DNMT1: variants seen among roughly 807,000 people sequenced by gnomAD.
The protein encoded by DNMT1 is DNA (cytosine-5)-methyltransferase 1.
In DNMT1, 24 loss-of-function variants were observed where a neutral mutation model predicts 205.3. The ratio of observed to expected loss-of-function variants is 0.12; its 90% CI spans 0.08 to 0.16. The LOEUF is 0.16. Among genes scored for constraint, DNMT1 ranks in the 10% least tolerant of loss-of-function variants. The probability of loss-of-function intolerance (pLI) is 1.00; values close to 1 mark genes in which losing one functional copy is unlikely to be tolerated. For synonymous variants in DNMT1, 817 were observed against 839.8 expected, an observed-to-expected ratio of 0.97 and a Z score of 0.47; for missense variants, 1,293 against 2,177.7, an observed-to-expected ratio of 0.59 and a Z score of 8.09.
Position 10,159,649 on chromosome 19 carries a change from T to C in DNMT1, c.1280+9A>G, listed in dbSNP as rs769934389. The C allele has an allele frequency of 6.2e-6, 10 of 1,613,844 alleles. No individual in the cohort carries two copies. The highest frequency in any genetic ancestry group is 2.2e-5 in the East Asian group (1 of 44,902). On this transcript the variant is annotated intron_variant, in intron 17 of 40. Transcript: ENST00000359526. This position sits in a 1 kb window ranked among gnomAD's most constrained non-coding sequence, Gnocchi z 5.0. ...CACGAAGCAAACATGCACACGAAAGTGCACTTACCTGAAGCAGGTCAGTTT... is the reference window on the plus strand; with the variant it reads ...CACGAAGCAAACATGCACACGAAAGCGCACTTACCTGAAGCAGGTCAGTTT...
Position 10,155,039 on chromosome 19 carries a change from G to T in DNMT1, c.1510C>A (p.Leu504Met). 6.2e-7 allele frequency: 1 copy of T among 1,614,192 alleles called. No homozygotes were observed. ...GFSTSFAEYI[L>M]MDPSPEYAPI... ...GCATACTCGGGACTGGGATCCATCA[G>T]AATGTATTCGGCAAATGCTGGGGTG... is the stretch of plus-strand genomic sequence containing the variant. Residue 504 changes from leucine (L) to methionine (M), a missense_variant, in exon 20 of 41, where the codon CTG becomes ATG. Transcript: ENST00000359526.
At chr19:10,170,177 G>A (rs971190861) in intron 9 of DNMT1, among the ~76,000 whole-genome samples, 21 of 151,478 alleles carry the variant, frequency 1.4e-4, no homozygotes, top group African/African-American at 2.4e-4. Context: ...CCCAGCTACT[G>A]GAGAGGCTGA....
chr19:10,135,854 TG>T lies in DNMT1; in HGVS notation c.4657-3del. 2 of 1,549,566 alleles carry T rather than the reference TG, an allele frequency of 1.3e-6. No individual in the cohort carries two copies. ...CTGCTCTGGGTGGAGCACGCGGCCC[TG>T]GGGGAAAGAGGCGCGGTGGGCGAGG... On this transcript the variant is annotated splice_polypyrimidine_tract_variant and splice_region_variant and intron_variant, in intron 38 of 40. Coordinates refer to ENST00000359526, the MANE Select transcript of DNMT1 (RefSeq NM_001130823.3).
intron 34 of DNMT1, among the ~76,000 whole-genome samples, chr19:10,139,309 T>C (rs1044609714): frequency 2.6e-5 from 4 of 152,228 alleles, no homozygotes; most frequent in Non-Finnish European, 2.9e-5. Context: ...CACATGGCTC[T>C]GCGCACCTCA....
chr19:10,153,175 C>T, intron 22 of DNMT1, among the ~76,000 whole-genome samples: 1 of 152,110 alleles, frequency 6.6e-6, no homozygotes, highest in East Asian at 1.9e-4. Flanking sequence ...GATACACTCG[C>T]GAGAAGCTTT....
chr19:10,166,493 G>T, intron 11 of DNMT1, 105 bp downstream of exon 11: 1 of 1,381,890 alleles, frequency 7.2e-7, no homozygotes, highest in Non-Finnish European at 1.0e-6. Flanking sequence ...AGCCTGGGTG[G>T]ATGGGGCTGG....
At chr19:10,175,995 C>G (rs1240717994) in intron 6 of DNMT1, among the ~76,000 whole-genome samples, 1 of 152,110 alleles carries the variant, frequency 6.6e-6, no homozygotes, top group East Asian at 1.9e-4. Context: ...TGGTAAAACC[C>G]TGTCTCTACC....
intron 9 of DNMT1, 100 bp downstream of exon 9, chr19:10,172,990 C>T: frequency 7.2e-7 from 1 of 1,384,884 alleles, no homozygotes; most frequent in Non-Finnish European, 1.0e-6. Context: ...CCATCTTGTT[C>T]TTCCACGTTC....
intron 1 of DNMT1, among the ~76,000 whole-genome samples, chr19:10,190,690 G>A (rs371883457): frequency 1.1e-4 from 17 of 151,918 alleles, no homozygotes; most frequent in East Asian, 5.8e-4. Context: ...ACTTGAACCC[G>A]GGAGGGGGAG....
Position 10,141,137 on chromosome 19 carries a change from C to A in DNMT1, c.3362G>T (p.Ser1121Ile), listed in dbSNP as rs1202584286. ...CTTGCCCTTCCCTTTGTTTCCAGGGCTACGGGCATGGTTGGGAGGATCTTC... is the reference window on the plus strand; with the variant it reads ...CTTGCCCTTCCCTTTGTTTCCAGGGATACGGGCATGGTTGGGAGGATCTTC... ...SFEDPPNHAR[S>I]PGNKGKGKGK... is the part of the protein sequence containing the mutation. Residue 1121 changes from serine to isoleucine, a missense_variant, in exon 31 of 41, where the codon AGC becomes ATC. By Grantham distance (142) the Ser-to-Ile change is moderately radical (BLOSUM62 -2). Around this residue, in one of 13 missense-constraint regions of DNMT1, gnomAD observed 167 missense variants for 258.1 expected, o/e 0.65. Coordinates refer to ENST00000359526, the MANE Select transcript of DNMT1 (RefSeq NM_001130823.3). 3 of 1,613,924 alleles carry A rather than the reference C, an allele frequency of 1.9e-6. No homozygotes were observed. Among genetic ancestry groups the A allele is most frequent in the Admixed American group, 3.3e-5 (2 of 59,996 alleles).
rs541392644 is a variant in DNMT1 at position 10,148,851 on chromosome 19, C to G, written c.2720+33G>C. 1.7e-5 allele frequency: 27 copies of G among 1,613,808 alleles called. No individual in the cohort carries two copies. In the Admixed American group the frequency reaches 2.7e-4, roughly 16 times the overall value. ...AAGGGAGTGATGTGGGCTGAAAGTGCCTGCTGACCCCGAGTCCAGCCCCAG... is the reference window on the plus strand; with the variant it reads ...AAGGGAGTGATGTGGGCTGAAAGTGGCTGCTGACCCCGAGTCCAGCCCCAG... On this transcript the variant is annotated intron_variant, in intron 27 of 40. Coordinates refer to ENST00000359526, the MANE Select transcript of DNMT1 (RefSeq NM_001130823.3).
Position 10,159,744 on chromosome 19 carries a change from T to C in DNMT1, c.1194A>G (p.Thr398=). ...CATCAAAGATGGACAGCTTCTCATTTGTCAGCATCTGTGGCTCATCCACCT... is the reference window on the plus strand; with the variant it reads ...CATCAAAGATGGACAGCTTCTCATTCGTCAGCATCTGTGGCTCATCCACCT... ...PDAVDEPQML[T]NEKLSIFDAN... Residue 398 remains threonine (T), a synonymous_variant, in exon 17 of 41, where the codon ACA becomes ACG. Transcript: ENST00000359526. This position sits in a 1 kb window ranked among gnomAD's most constrained non-coding sequence, Gnocchi z 5.0. 6.2e-7 allele frequency: 1 copy of C among 1,614,234 alleles called. No individual in the cohort carries two copies. The highest frequency in any genetic ancestry group is 8.5e-7 in the Non-Finnish European group (1 of 1,180,038).
chr19:10,173,493 CTTT>C (rs747516765), intron 8 of DNMT1, among the ~76,000 whole-genome samples: 3 of 141,526 alleles, frequency 2.1e-5, no homozygotes, highest in African/African-American at 2.6e-5. Context: ...TCTTTTTAAA[CTTT>C]TTTTTTTTTT....
At chr19:10,144,313 CAGG>C (rs1029748827) in intron 28 of DNMT1, 61 of 357,902 alleles carry the variant, frequency 1.7e-4, no homozygotes, top group African/African-American at 1.2e-3. Context: ...GAGGCTGAGG[CAGG>C]AGAATTGCTT....
At chr19:10,160,240 G>A (rs1016430684) in intron 14 of DNMT1, 144 bp downstream of exon 14, 15 of 1,503,308 alleles carry the variant, frequency 1.0e-5, no homozygotes, top group Admixed American at 3.7e-5. Context: ...CCTGCCTGAC[G>A]CACCTTGGTC....
intron 1 of DNMT1, among the ~76,000 whole-genome samples, chr19:10,188,145 A>C (rs1430032716): frequency 6.6e-6 from 1 of 152,064 alleles, no homozygotes; most frequent in Non-Finnish European, 1.5e-5. Context: ...AATATAGTGG[A>C]CCATGCAAGA....
chr19:10,176,167 C>CA (rs34858632), intron 6 of DNMT1, among the ~76,000 whole-genome samples: 50,747 of 134,404 alleles, frequency 0.38, 9,361 homozygotes, highest in Non-Finnish European at 0.45. Flanking sequence ...GACTCCGTAT[C>CA]AAAAAAAAAA....
In DNMT1 at chr19:10,138,080, C is replaced by A; in HGVS notation, c.4116-71G>T. The stretch of plus-strand genomic sequence containing the variant: ...GCTGTCCCCTCATCACAGGTGCCAC[C>A]CCCTGCCTGCTCAGATGGCCTTCTC... On this transcript the variant is annotated intron_variant, in intron 35 of 40. Coordinates refer to ENST00000359526, the MANE Select transcript of DNMT1 (RefSeq NM_001130823.3). The surrounding 1 kb of genome is among the most constrained non-coding windows in gnomAD (Gnocchi z 4.1). The A allele has an allele frequency of 6.6e-7, 1 of 1,525,592 alleles. No individual in the cohort carries two copies. The highest frequency in any genetic ancestry group is 8.9e-7 in the Non-Finnish European group (1 of 1,125,030). The allele number at this position is 1,525,592 out of a possible 1,614,324, so 94.5% of individuals were successfully genotyped here.
intron 29 of DNMT1, 117 bp from the exon 30 acceptor site, chr19:10,142,337 G>C (rs566238601): frequency 1.4e-6 from 2 of 1,406,308 alleles, no homozygotes; most frequent in Non-Finnish European, 2.0e-6. Context: ...CCCCTAGTTC[G>C]AGAACCGCAG....
Sources: allele counts gnomAD v4.1 joint callset (sites outside exome capture counted in the v4.1 genomes callset), GRCh38; gene constraint gnomAD v4.1.1; regional missense constraint gnomAD v4.1.1; non-coding constraint Gnocchi (gnomAD v3.1); transcripts MANE v1.5; gene names NCBI Gene and HGNC (gene_info 2026-07-23, HGNC 2026-07-21).